CASZ1: variants seen among roughly 807,000 people sequenced by gnomAD.
The protein encoded by CASZ1 is zinc finger protein castor homolog 1.
In CASZ1, 28 loss-of-function variants were observed where a neutral mutation model predicts 135.2. The ratio of observed to expected loss-of-function variants is 0.21; its 90% CI spans 0.15 to 0.28. CASZ1 has a LOEUF of 0.28. Ranked by LOEUF, CASZ1 falls within the 10% of genes least tolerant of loss-of-function variation. The pLI is 1.00. For synonymous variants in CASZ1, 1,068 were observed against 1,073.4 expected (o/e 0.99, Z 0.10); for missense variants, 2,161 against 2,453.3 (o/e 0.88, Z 2.52).
At chr1:10,653,093 GC>G in intron 11 of CASZ1, 1 of 485,848 alleles carries the variant, frequency 2.1e-6, no homozygotes, top group Non-Finnish European at 3.8e-6. Flanking sequence ...ACCTGCAGTG[GC>G]CCCAGGGATG....
intron 2 of CASZ1, among the ~76,000 whole-genome samples, chr1:10,723,012 C>T (rs1010816170): frequency 1.3e-5 from 2 of 152,254 alleles, no homozygotes; most frequent in African/African-American, 4.8e-5. Context: ...TGATGTGCGC[C>T]CACGGCAGCT....
chr1:10,645,100 C>A lies in CASZ1; in HGVS notation c.3697-12G>T. The A allele has an allele frequency of 2.5e-6, 4 of 1,612,392 alleles. No individual in the cohort carries two copies. Among genetic ancestry groups the A allele is most frequent in the Non-Finnish European group, 3.4e-6 (4 of 1,179,254 alleles). ...CGGAACTCGCAGTGCTGCAGGGAGA[C>A]ACGGGAGGGTCAGGACAGGCGGGTG... On this transcript the variant is annotated splice_polypyrimidine_tract_variant and intron_variant, in intron 17 of 20. Coordinates refer to ENST00000377022, the MANE Select transcript of CASZ1 (RefSeq NM_001079843.3).
rs1226947625 is a variant in CASZ1 at position 10,794,919 on chromosome 1, G to A, written c.-234+1645C>T. The stretch of plus-strand genomic sequence containing the variant: ...CCGCGCCCGGCCAGCCCCCGCCAGC[G>A]GCCCCAGCGCGCCTCTGCCCGCACC... On this transcript the variant is annotated intron_variant, in intron 1 of 20. Coordinates refer to ENST00000377022, the MANE Select transcript of CASZ1 (RefSeq NM_001079843.3). This position sits in a 1 kb window ranked among gnomAD's most constrained non-coding sequence, Gnocchi z 5.6. Among the ~76,000 whole-genome samples, 1 of 149,934 alleles carries A rather than the reference G, an allele frequency of 6.7e-6. No individual in the cohort carries two copies. The highest frequency in any genetic ancestry group is 2.4e-5 in the African/African-American group (1 of 40,916).
At chr1:10,690,618 C>T (rs577374383) in intron 4 of CASZ1, among the ~76,000 whole-genome samples, 12 of 152,278 alleles carry the variant, frequency 7.9e-5, no homozygotes, top group Non-Finnish European at 2.9e-5. Flanking sequence ...CCCATTGACC[C>T]GCCTCGACGA....
rs570371804 is a variant in CASZ1, at chr1:10,699,273, G to A, written c.-23-5361C>T. ...CGGCCCTGAACTGGCCAGGAGGAACGCCCTTGTGCCCTGGGAGAGGATCAC... is the reference window on the plus strand; with the variant it reads ...CGGCCCTGAACTGGCCAGGAGGAACACCCTTGTGCCCTGGGAGAGGATCAC... On this transcript the variant is annotated intron_variant, in intron 3 of 20. Coordinates refer to ENST00000377022, the MANE Select transcript of CASZ1 (RefSeq NM_001079843.3). This position sits in a 1 kb window ranked among gnomAD's most constrained non-coding sequence, Gnocchi z 4.6. Among the ~76,000 whole-genome samples the A allele has an allele frequency of 7.9e-5, 12 of 152,330 alleles. No individual in the cohort carries two copies. Among genetic ancestry groups the A allele is most frequent in the East Asian group, 3.9e-4 (2 of 5,186 alleles).
intron 6 of CASZ1, 52 bp downstream of exon 6, chr1:10,659,650 C>T: frequency 6.9e-7 from 1 of 1,458,752 alleles, no homozygotes; most frequent in Non-Finnish European, 9.6e-7. Context: ...AGGAGGCCTC[C>T]TGTCTAGTCT....
Position 10,707,812 on chromosome 1 carries a change from G to T in CASZ1, c.-76-2268C>A, listed in dbSNP as rs1639207765. Among the ~76,000 whole-genome samples, 1 of 152,164 alleles carries T rather than the reference G, an allele frequency of 6.6e-6. No homozygotes were observed. Among genetic ancestry groups the T allele is most frequent in the South Asian group, 2.1e-4 (1 of 4,826 alleles). Reference sequence around the variant, plus strand: ...TGCTTTGTGAGTGGCCCATATGAGTGAGTGGCCAGCACATCTGGGACCTGG... The same window carrying T: ...TGCTTTGTGAGTGGCCCATATGAGTTAGTGGCCAGCACATCTGGGACCTGG... On this transcript the variant is annotated intron_variant, in intron 2 of 20. Coordinates refer to ENST00000377022, the MANE Select transcript of CASZ1 (RefSeq NM_001079843.3). The surrounding 1 kb of genome is among the most constrained non-coding windows in gnomAD (Gnocchi z 5.0).
intron 2 of CASZ1, among the ~76,000 whole-genome samples, chr1:10,710,102 C>T (rs905959731): frequency 1.3e-5 from 2 of 152,324 alleles, no homozygotes; most frequent in African/African-American, 2.4e-5. Flanking sequence ...GTTTTCCCAC[C>T]TTGCTCTCCC....
At chr1:10,745,984 T>C (rs114011361) in intron 2 of CASZ1, among the ~76,000 whole-genome samples, 2,027 of 152,202 alleles carry the variant, frequency 0.013, 41 homozygotes, top group African/African-American at 0.041. Context: ...CTCTGCTGGG[T>C]GAGAGGTCTG....
chr1:10,658,412 C>T, intron 7 of CASZ1, 96 bp downstream of exon 7: 2 of 1,002,868 alleles, frequency 2.0e-6, no homozygotes, highest in Non-Finnish European at 3.1e-6. Flanking sequence ...CTACCTTGGC[C>T]CTAGAGGTCA....
intron 4 of CASZ1, among the ~76,000 whole-genome samples, chr1:10,668,179 G>A (rs1286100585): frequency 2.0e-5 from 3 of 152,152 alleles, no homozygotes; most frequent in East Asian, 1.9e-4. Flanking sequence ...ACAGGGGTGC[G>A]TTGGAGCTGA....
Position 10,762,377 on chromosome 1 carries a change from G to T in CASZ1, c.-233-1520C>A, listed in dbSNP as rs1432604397. Among the ~76,000 whole-genome samples, 14 of 152,072 alleles carry T rather than the reference G, an allele frequency of 9.2e-5. No individual in the cohort carries two copies. The highest frequency in any genetic ancestry group is 1.8e-4 in the Non-Finnish European group (12 of 68,006). ...CCCTAATGTGAGTTTCGTGTGATTT[G>T]GGGGAAGTGGATTTCCTTTGTTTTC... On this transcript the variant is annotated intron_variant, in intron 1 of 20. Transcript: ENST00000377022. The surrounding 1 kb of genome is among the most constrained non-coding windows in gnomAD (Gnocchi z 4.1).
At position 10,767,084 on chromosome 1, in the gene CASZ1, C is replaced by T. The variant is rs192614772; in HGVS notation, c.-233-6227G>A. Among the ~76,000 whole-genome samples the T allele has an allele frequency of 2.6e-5, 4 of 152,284 alleles. No individual in the cohort carries two copies. Among genetic ancestry groups the T allele is most frequent in the East Asian group, 1.9e-4 (1 of 5,184 alleles). On this transcript the variant is annotated intron_variant, in intron 1 of 20. Transcript: ENST00000377022. The surrounding 1 kb of genome is among the most constrained non-coding windows in gnomAD (Gnocchi z 4.2). ...AAGGAAAACAGAAATCCTCTGCGCC[C>T]GTTGACTGCTGATGGAAGGAACGAG...
chr1:10,694,584 C>G lies in CASZ1; in HGVS notation c.-23-672G>C, dbSNP rs1216966146. The stretch of plus-strand genomic sequence containing the variant: ...GGCAGGTGAAAGAGCAGAGCGCGGC[C>G]CCGCCGCCGCCGCCGCCGCCGCCGC... On this transcript the variant is annotated intron_variant, in intron 3 of 20. Coordinates refer to ENST00000377022, the MANE Select transcript of CASZ1 (RefSeq NM_001079843.3). This position sits in a 1 kb window ranked among gnomAD's most constrained non-coding sequence, Gnocchi z 6.6. 1.3e-4 allele frequency: 18 copies of G among 137,436 alleles called. 1 individual carries two copies. The South Asian group carries it at 1.7e-3, about 13-fold the overall frequency. 8.5% of individuals were successfully genotyped at this position (137,436 alleles called of 1,614,324 possible).
intron 2 of CASZ1, among the ~76,000 whole-genome samples, chr1:10,716,957 T>A (rs781076624): frequency 7.2e-5 from 11 of 152,116 alleles, no homozygotes; most frequent in Non-Finnish European, 1.5e-4. Context: ...TCGGTCAAAC[T>A]TCTCCCCCAT....
At chr1:10,791,565 GC>G (rs1640955558) in intron 1 of CASZ1, among the ~76,000 whole-genome samples, 1 of 152,210 alleles carries the variant, frequency 6.6e-6, no homozygotes, top group Non-Finnish European at 1.5e-5. Context: ...TCCAGCCCAG[GC>G]GTGGACTGCA....
At chr1:10,654,722 TGGA>T in intron 9 of CASZ1, 131 bp from the exon 10 acceptor site, 1 of 824,310 alleles carries the variant, frequency 1.2e-6, no homozygotes, top group South Asian at 1.7e-5. Context: ...GACTTCAAAC[TGGA>T]GGCCTCGGGA....
Position 10,644,846 on chromosome 1 carries a change from G to A in CASZ1, c.3868+71C>T, listed in dbSNP as rs1570399861. The A allele has an allele frequency of 3.1e-5, 46 of 1,506,394 alleles. No individual in the cohort carries two copies. In the East Asian group the frequency reaches 8.2e-4, roughly 27 times the overall value. The allele number at this position is 1,506,394 out of a possible 1,614,324, so 93.3% of individuals were successfully genotyped here. A position where few individuals can be genotyped will look rare whatever the true frequency, so the allele number is the denominator to read the frequency against. ...ACAGGACGCGGGTACCAGGAGAGGC[G>A]GCCCAGGCCACGGGGGCCATGGTCT... On this transcript the variant is annotated intron_variant, in intron 18 of 20. Transcript: ENST00000377022.
At position 10,720,389 on chromosome 1, in the gene CASZ1, G is replaced by C. The variant is rs963705002; in HGVS notation, c.-76-14845C>G. On this transcript the variant is annotated intron_variant, in intron 2 of 20. Coordinates refer to ENST00000377022, the MANE Select transcript of CASZ1 (RefSeq NM_001079843.3). The surrounding 1 kb of genome is among the most constrained non-coding windows in gnomAD (Gnocchi z 5.7). ...TGCCTTTGGGGCTGGTGATGGCAGAGAGACTGGCAGCACTGACCAGCCCTC... is the reference window on the plus strand; with the variant it reads ...TGCCTTTGGGGCTGGTGATGGCAGACAGACTGGCAGCACTGACCAGCCCTC... Among the ~76,000 whole-genome samples the C allele has an allele frequency of 1.3e-5, 2 of 152,184 alleles. No individual in the cohort carries two copies. Among genetic ancestry groups the C allele is most frequent in the African/African-American group, 2.4e-5 (1 of 41,448 alleles).
Sources: allele counts gnomAD v4.1 joint callset (sites outside exome capture counted in the v4.1 genomes callset), GRCh38; gene constraint gnomAD v4.1.1; non-coding constraint Gnocchi (gnomAD v3.1); transcripts MANE v1.5; gene names NCBI Gene and HGNC (gene_info 2026-07-23, HGNC 2026-07-21).